LZTS1: variants seen among roughly 807,000 people sequenced by gnomAD.
The protein encoded by LZTS1 is leucine zipper putative tumor suppressor 1.
LZTS1 carries 31 observed loss-of-function variants against 45.8 expected under a neutral mutation model. That is an observed-to-expected ratio of 0.68 (90% CI 0.51 to 0.91). LZTS1 has a LOEUF of 0.91. Among genes scored for constraint, LZTS1 ranks in the 40% least tolerant of loss-of-function variants. The probability of loss-of-function intolerance (pLI) is 0.00; values close to 1 mark genes in which losing one functional copy is unlikely to be tolerated. For synonymous variants in LZTS1, 359 were observed against 357.3 expected (o/e 1.00, Z -0.05); for missense variants, 821 against 788.9 (o/e 1.04, Z -0.49).
chr8:20,274,137 C>G (rs905787806), intron 1 of LZTS1, among the ~76,000 whole-genome samples: 2 of 152,148 alleles, frequency 1.3e-5, no homozygotes, highest in African/African-American at 4.8e-5. Flanking sequence ...CACTCTGTAG[C>G]ACAGCTGCTC....
Position 20,252,937 on chromosome 8 carries a change from G to A in LZTS1, c.994C>T (p.His332Tyr). The change falls in exon 3 of 4, where the codon CAC (histidine) becomes TAC (tyrosine). Residue 332 changes from histidine to tyrosine, a missense_variant. By Grantham distance (83) the His-to-Tyr change is moderately conservative (BLOSUM62 2). Transcript: ENST00000381569. ...QKSQRAQQVL[H>Y]LQVLQLQQEK... ...TGCTGAAGCTGCAGTACCTGCAGGTGCAGGACCTGCTGCGCGCGCTGGCTC... is the reference window on the plus strand; with the variant it reads ...TGCTGAAGCTGCAGTACCTGCAGGTACAGGACCTGCTGCGCGCGCTGGCTC... 1 of 1,603,436 alleles carries A rather than the reference G, an allele frequency of 6.2e-7. No individual in the cohort carries two copies. Among genetic ancestry groups the A allele is most frequent in the Non-Finnish European group, 8.5e-7 (1 of 1,176,612 alleles).
At chr8:20,299,303 C>G (rs2128900039) in intron 1 of LZTS1, among the ~76,000 whole-genome samples, 1 of 152,352 alleles carries the variant, frequency 6.6e-6, no homozygotes, top group African/African-American at 2.4e-5. Flanking sequence ...AGGTTCAGTT[C>G]ACAGCCACCT....
rs142032307 is a variant in LZTS1 at position 20,293,298 on chromosome 8, A to G, written c.-135+10442T>C. Among the ~76,000 whole-genome samples the G allele has an allele frequency of 4.6e-4, 70 of 152,204 alleles. 1 individual carries two copies. The highest frequency in any genetic ancestry group is 1.6e-3 in the African/African-American group (67 of 41,532). On this transcript the variant is annotated intron_variant, in intron 1 of 3. Transcript: ENST00000381569. ...ATGCACTCTCCCCAGCTGAGTATGC[A>G]AGGTGGGTGTGCAAGCGCCTCCTCA...
chr8:20,282,787 G>A (rs1297313527), intron 1 of LZTS1, among the ~76,000 whole-genome samples: 1 of 152,096 alleles, frequency 6.6e-6, no homozygotes, highest in Non-Finnish European at 1.5e-5. Context: ...TAGGTGGGTG[G>A]GTAGGGGGCA....
At chr8:20,297,005 G>A (rs767515209) in intron 1 of LZTS1, among the ~76,000 whole-genome samples, 5 of 152,060 alleles carry the variant, frequency 3.3e-5, no homozygotes, top group African/African-American at 4.8e-5. Context: ...TTCTGTCTCC[G>A]TCTTCCGCCT....
At chr8:20,301,399 C>A (rs1033804869) in intron 1 of LZTS1, among the ~76,000 whole-genome samples, 1 of 152,106 alleles carries the variant, frequency 6.6e-6, no homozygotes, top group Non-Finnish European at 1.5e-5. Context: ...ATAAAAAGTT[C>A]CAGGCACACA....
intron 1 of LZTS1, among the ~76,000 whole-genome samples, chr8:20,282,438 A>G (rs368796996): frequency 1.3e-5 from 2 of 152,252 alleles, no homozygotes; most frequent in African/African-American, 4.8e-5. Context: ...GGCAGTTGCT[A>G]CTGAGCACCA....
chr8:20,302,367 C>A (rs1186568318), intron 1 of LZTS1, among the ~76,000 whole-genome samples: 2 of 152,214 alleles, frequency 1.3e-5, no homozygotes, highest in Non-Finnish European at 2.9e-5. Context: ...CCTTTCCCGT[C>A]TGTACATGCT....
At position 20,252,766 on chromosome 8, in the gene LZTS1, C is replaced by T; in HGVS notation, c.1149+16G>A. The stretch of plus-strand genomic sequence containing the variant: ...ACCGCTGACCACCCAAACCCATGAG[C>T]CCTGTGTGGCCTCACCTCCCACTGG... On this transcript the variant is annotated intron_variant, in intron 3 of 3. Coordinates refer to ENST00000381569, the MANE Select transcript of LZTS1 (RefSeq NM_021020.5). 6.6e-7 allele frequency: 1 copy of T among 1,505,664 alleles called. No homozygotes were observed. The highest frequency in any genetic ancestry group is 8.9e-7 in the Non-Finnish European group (1 of 1,127,174). The allele number at this position is 1,505,664 out of a possible 1,614,324, so 93.3% of individuals were successfully genotyped here. A position where few individuals can be genotyped will look rare whatever the true frequency, so the allele number is the denominator to read the frequency against.
chr8:20,280,357 C>G (rs576235220), intron 1 of LZTS1, among the ~76,000 whole-genome samples: 2 of 152,164 alleles, frequency 1.3e-5, no homozygotes, highest in Non-Finnish European at 2.9e-5. Flanking sequence ...GGATGTGGCT[C>G]GTGTTCCTGC....
intron 2 of LZTS1, among the ~76,000 whole-genome samples, chr8:20,254,181 C>G (rs570859938): frequency 2.0e-5 from 3 of 152,208 alleles, no homozygotes; most frequent in Non-Finnish European, 4.4e-5. Flanking sequence ...TTCATTTCCC[C>G]AGGGCAAGGG....
At chr8:20,279,594 G>A (rs535747294) in intron 1 of LZTS1, among the ~76,000 whole-genome samples, 1 of 149,494 alleles carries the variant, frequency 6.7e-6, no homozygotes, top group Non-Finnish European at 1.5e-5. Flanking sequence ...CCCAGCTACT[G>A]AGAGTCTGAG....
Position 20,250,369 on chromosome 8 carries a change from G to C in LZTS1, c.1150-6C>G, listed in dbSNP as rs374589528. Reference sequence around the variant, plus strand: ...TCGCCTGACTTCTGGCACACCTGCCGAGGGTGGGGTGGAGACAGAGTGCCA... The same window carrying C: ...TCGCCTGACTTCTGGCACACCTGCCCAGGGTGGGGTGGAGACAGAGTGCCA... On this transcript the variant is annotated splice_polypyrimidine_tract_variant and splice_region_variant and intron_variant, in intron 3 of 3. Transcript: ENST00000381569. 3.1e-6 allele frequency: 5 copies of C among 1,588,246 alleles called. No homozygotes were observed. The Admixed American group carries it at 8.5e-5, about 27-fold the overall frequency.
At chr8:20,250,485 C>T (rs1799866815) in intron 3 of LZTS1, 122 bp from the exon 4 acceptor site, 1 of 919,008 alleles carries the variant, frequency 1.1e-6, no homozygotes, top group Non-Finnish European at 1.6e-6. Context: ...GTTAGGCATT[C>T]CAGCCTTTGT....
intron 1 of LZTS1, among the ~76,000 whole-genome samples, chr8:20,297,492 A>C (rs1237589419): frequency 6.6e-6 from 1 of 152,146 alleles, no homozygotes; most frequent in Admixed American, 6.5e-5. Context: ...TCAGCTCACT[A>C]TAACCTCCGC....
At position 20,253,560 on chromosome 8, in the gene LZTS1, G is replaced by A. The variant is rs1020200051; in HGVS notation, c.371C>T (p.Pro124Leu). 4 of 1,482,630 alleles carry A rather than the reference G, an allele frequency of 2.7e-6. No homozygotes were observed. The highest frequency in any genetic ancestry group is 2.8e-5 in the African/African-American group (2 of 71,910). 91.8% of individuals were successfully genotyped at this position (1,482,630 alleles called of 1,614,324 possible). A position where few individuals can be genotyped will look rare whatever the true frequency, so the allele number is the denominator to read the frequency against. The change falls in exon 3 of 4, where the codon CCC becomes CTC. Residue 124 changes from proline to leucine, a missense_variant. Coordinates refer to ENST00000381569, the MANE Select transcript of LZTS1 (RefSeq NM_021020.5). The stretch of plus-strand genomic sequence containing the variant: ...TGGCAGCACAGGCTTGAAGGCTGTG[G>A]GCCTCACTGCACCCTTCTCGGAGCC... ...EMGSEKGAVR[P>L]TAFKPVLPRS... is the part of the protein sequence containing the mutation.
intron 1 of LZTS1, among the ~76,000 whole-genome samples, chr8:20,263,180 G>A (rs1376195142): frequency 2.0e-5 from 3 of 152,178 alleles, no homozygotes; most frequent in East Asian, 1.9e-4. Context: ...GGCCACAGAG[G>A]TCTTAGTGCC....
At chr8:20,292,453 T>C (rs1800915882) in intron 1 of LZTS1, among the ~76,000 whole-genome samples, 1 of 152,200 alleles carries the variant, frequency 6.6e-6, no homozygotes, top group Non-Finnish European at 1.5e-5. Context: ...TTTTCAGTTT[T>C]GAAAGTACCG....
At chr8:20,288,557 A>ACT (rs1800839298) in intron 1 of LZTS1, among the ~76,000 whole-genome samples, 1 of 152,172 alleles carries the variant, frequency 6.6e-6, no homozygotes, top group Non-Finnish European at 1.5e-5. Context: ...TACTACCCCA[A>ACT]CTGATGGATG....
Sources: allele counts gnomAD v4.1 joint callset (sites outside exome capture counted in the v4.1 genomes callset), GRCh38; gene constraint gnomAD v4.1.1; transcripts MANE v1.5; gene names NCBI Gene and HGNC (gene_info 2026-07-23, HGNC 2026-07-21).